DDHD2: variants seen among roughly 807,000 people sequenced by gnomAD.
DDHD2 encodes the protein triacylglycerol hydrolase DDHD2.
DDHD2 carries 62 observed loss-of-function variants against 91.2 expected under a neutral mutation model. That is an observed-to-expected ratio of 0.68 (90% CI 0.55 to 0.84). The LOEUF (loss-of-function observed/expected upper bound fraction) is 0.84, where lower values mean the gene tolerates loss of function less well. Ranked by LOEUF, DDHD2 falls within the 40% of genes least tolerant of loss-of-function variation. The pLI is 0.00. For synonymous variants in DDHD2, 271 were observed against 293.9 expected, an observed-to-expected ratio of 0.92 and a Z score of 0.80; for missense variants, 740 against 846.9, an observed-to-expected ratio of 0.87 and a Z score of 1.57.
Position 38,245,904 on chromosome 8 carries a change from G to T in DDHD2, c.1011G>T (p.Arg337Ser). ...MNRIYTLFLQ[R>S]NPDFKGGVSI... ...GAATATACACACTTTTTCTACAGAG[G>T]AACCCTGATTTCAAAGGGGGTGTAT... The change falls in exon 8 of 18, where the codon AGG becomes AGT. Residue 337 changes from arginine (R) to serine (S), a missense_variant. Arg to Ser is a moderately radical substitution (Grantham distance 110). Coordinates refer to ENST00000397166, the MANE Select transcript of DDHD2 (RefSeq NM_015214.3). The T allele has an allele frequency of 6.2e-7, 1 of 1,613,988 alleles. No homozygotes were observed. Among genetic ancestry groups the T allele is most frequent in the Admixed American group, 1.7e-5 (1 of 60,002 alleles).
At chr8:38,269,263 G>C in intron 1 of DDHD2, 3 of 1,361,594 alleles carry the variant, frequency 2.2e-6, no homozygotes, top group Non-Finnish European at 2.8e-6. Flanking sequence ...GGCCGGGCCG[G>C]GAACTGGGCA....
At position 38,252,810 on chromosome 8, in the gene DDHD2, AGCGGAT is replaced by A; in HGVS notation, c.1709_1714del (p.Arg570_Met571del). The A allele has an allele frequency of 6.2e-7, 1 of 1,614,120 alleles. No homozygotes were observed. The highest frequency in any genetic ancestry group is 2.2e-5 in the East Asian group (1 of 44,884). On this transcript the variant is annotated inframe_deletion, in exon 14 of 18. Coordinates refer to ENST00000397166, the MANE Select transcript of DDHD2 (RefSeq NM_015214.3). ...CTGATCCCACATCATAAAGGCAGGAAGCGGATGCACTTAGGTAAGTCCGAGCATAGA... is the reference window on the plus strand; with the variant it reads ...CTGATCCCACATCATAAAGGCAGGAAGCACTTAGGTAAGTCCGAGCATAGA...
chr8:38,267,085 C>T (rs1807731387), downstream of DDHD2: 1 of 1,451,870 alleles, frequency 6.9e-7, no homozygotes, highest in South Asian at 1.5e-5. Flanking sequence ...CCTTTCTGTT[C>T]TGTAATATTT....
At chr8:38,268,470 G>A (rs935151872) in intron 1 of DDHD2, 16 of 1,562,098 alleles carry the variant, frequency 1.0e-5, no homozygotes, top group Non-Finnish European at 1.4e-5. Context: ...ACCTGAATCA[G>A]AATGTCAGAG....
At chr8:38,263,771 A>G, downstream of DDHD2, 3 of 985,444 alleles carry the variant, frequency 3.0e-6, no homozygotes, top group Non-Finnish European at 3.6e-6. Context: ...AGTTTTGATA[A>G]TGAACTCTAG....
chr8:38,269,043 C>T, intron 1 of DDHD2: 1 of 1,529,616 alleles, frequency 6.5e-7, no homozygotes, highest in Non-Finnish European at 8.8e-7. Context: ...CTCCCCGCTT[C>T]CCCACTGCCC....
intron 13 of DDHD2, among the ~76,000 whole-genome samples, 173 bp from the exon 14 acceptor site, chr8:38,252,549 G>A (rs1806192417): frequency 6.6e-6 from 1 of 151,984 alleles, no homozygotes; most frequent in African/African-American, 2.4e-5. Context: ...GGTCAAGGCA[G>A]GAGGATTGCT....
At chr8:38,245,005 AT>A (rs1414093488) in intron 7 of DDHD2, among the ~76,000 whole-genome samples, 5 of 150,792 alleles carry the variant, frequency 3.3e-5, no homozygotes, top group East Asian at 1.9e-4. Flanking sequence ...TTTTATACAT[AT>A]TTTTATATAC....
intron 3 of DDHD2, among the ~76,000 whole-genome samples, chr8:38,235,430 G>GA (rs1221885661): frequency 1.3e-5 from 2 of 151,498 alleles, no homozygotes; most frequent in South Asian, 2.1e-4. Flanking sequence ...TGTAAAAAAA[G>GA]AAAAAAATAC....
At chr8:38,248,138 T>A (rs1161037675) in intron 10 of DDHD2, among the ~76,000 whole-genome samples, 3 of 152,204 alleles carry the variant, frequency 2.0e-5, no homozygotes, top group Admixed American at 6.5e-5. Context: ...TCTAATTTTC[T>A]GTTGTACTTT....
chr8:38,235,719 C>CAA (rs758520572), intron 3 of DDHD2, among the ~76,000 whole-genome samples: 13 of 76,398 alleles, frequency 1.7e-4, no homozygotes, highest in Admixed American at 4.6e-4. Context: ...AACTCCATCT[C>CAA]AAAAAAAAAA....
intron 6 of DDHD2, among the ~76,000 whole-genome samples, chr8:38,241,482 G>A (rs927642020): frequency 2.0e-5 from 3 of 151,668 alleles, no homozygotes; most frequent in Non-Finnish European, 4.4e-5. Flanking sequence ...GTGTAGTGGT[G>A]TAAACTCAGC....
At chr8:38,268,051 G>C in intron 1 of DDHD2, 1 of 1,595,354 alleles carries the variant, frequency 6.3e-7, no homozygotes, top group African/African-American at 1.3e-5. Context: ...CTGTTTCTGA[G>C]ATGGATAGAA....
Position 38,252,972 on chromosome 8 carries a change from T to G in DDHD2, c.1736T>G (p.Leu579Trp). ...TATGTTTCAGAACTGAGAGAGGGCT[T>G]GACCAGGATGAGTATGGACCTTAAG... ...KRMHLELREG[L>W]TRMSMDLKNN... The change falls in exon 15 of 18, where the codon TTG becomes TGG. Residue 579 changes from leucine (L) to tryptophan (W), a missense_variant. Physicochemically the swap from Leu to Trp is moderately conservative, Grantham distance 61. Transcript: ENST00000397166. 3 of 1,614,024 alleles carry G rather than the reference T, an allele frequency of 1.9e-6. No homozygotes were observed. Among genetic ancestry groups the G allele is most frequent in the Non-Finnish European group, 2.5e-6 (3 of 1,179,976 alleles).
At chr8:38,264,230 C>G (rs760093212), downstream of DDHD2, 55 of 844,402 alleles carry the variant, frequency 6.5e-5, no homozygotes, top group Admixed American at 6.9e-4. Context: ...TCACTGGAAC[C>G]TCCAGCTCCC....
intron 6 of DDHD2, 25 bp from the exon 7 acceptor site, chr8:38,242,225 T>G: frequency 6.4e-7 from 1 of 1,562,438 alleles, no homozygotes; most frequent in Non-Finnish European, 8.7e-7. Flanking sequence ...TCATTGTTGA[T>G]GCATAAGTTA....
Position 38,240,365 on chromosome 8 carries a change from G to A in DDHD2, c.712+1G>A. 1 of 1,595,750 alleles carries A rather than the reference G, an allele frequency of 6.3e-7. No individual in the cohort carries two copies. The highest frequency in any genetic ancestry group is 1.1e-5 in the South Asian group (1 of 89,320). On this transcript the variant is annotated splice_donor_variant, in intron 6 of 17. Transcript: ENST00000397166. LOFTEE classifies it high-confidence loss of function. ...CGCTTTCGAAGCATTGTACAGTGTGGTAGGTTTGCAAAGCATGTGAGAGAA... is the reference window on the plus strand; with the variant it reads ...CGCTTTCGAAGCATTGTACAGTGTGATAGGTTTGCAAAGCATGTGAGAGAA...
intron 10 of DDHD2, 58 bp downstream of exon 10, chr8:38,247,893 TG>T: frequency 7.3e-7 from 1 of 1,375,290 alleles, no homozygotes; most frequent in Non-Finnish European, 9.8e-7. Context: ...TTGTTTATCG[TG>T]TTTACTAAGA....
chr8:38,259,274 A>G (rs9643870), intron 16 of DDHD2, among the ~76,000 whole-genome samples: 32,770 of 150,722 alleles, frequency 0.22, 3,755 homozygotes, highest in East Asian at 0.31. Context: ...AAGTGCAGTG[A>G]CACTCTGCAA....
Sources: allele counts gnomAD v4.1 joint callset (sites outside exome capture counted in the v4.1 genomes callset), GRCh38; gene constraint gnomAD v4.1.1; transcripts MANE v1.5; gene names NCBI Gene and HGNC (gene_info 2026-07-23, HGNC 2026-07-21).